Variants in TULP3 observed in about 807,000 individuals in gnomAD.
TULP3 encodes TUB like protein 3, also known as tubby-related protein 3.
TULP3 carries 38 observed loss-of-function variants against 50.7 expected under a neutral mutation model. The ratio of observed to expected loss-of-function variants is 0.75; its 90% CI spans 0.58 to 0.98. The LOEUF (loss-of-function observed/expected upper bound fraction) is 0.98. Ranked by LOEUF, TULP3 falls within the 50% of genes least tolerant of loss-of-function variation. The probability of loss-of-function intolerance (pLI) is 0.00; values close to 1 mark genes in which losing one functional copy is unlikely to be tolerated. For missense variants in TULP3, 550 were observed against 568.0 expected, an observed-to-expected ratio of 0.97 and a Z score of 0.32; for synonymous variants, 183 against 196.6, an observed-to-expected ratio of 0.93 and a Z score of 0.58.
At chr12:2,937,374 G>T (rs1419000327) in intron 8 of TULP3, among the ~76,000 whole-genome samples, 2 of 150,766 alleles carry the variant, frequency 1.3e-5, no homozygotes, top group Admixed American at 1.3e-4. Context: ...CTGCCACCAC[G>T]CCTGGCTAAT....
intron 1 of TULP3, among the ~76,000 whole-genome samples, chr12:2,906,357 G>A (rs191138619): frequency 6.7e-6 from 1 of 150,270 alleles, no homozygotes; most frequent in East Asian, 2.1e-4. Context: ...ACGGAGTCCC[G>A]CTCTGTCATC....
intron 1 of TULP3, among the ~76,000 whole-genome samples, chr12:2,906,773 G>A (rs534794037): frequency 3.2e-4 from 49 of 150,906 alleles, no homozygotes; most frequent in Non-Finnish European, 4.9e-4. Flanking sequence ...AAAATTAGCC[G>A]GGCGTGGTGG....
intron 1 of TULP3, among the ~76,000 whole-genome samples, chr12:2,894,503 C>G (rs536563325): frequency 1.6e-3 from 248 of 151,926 alleles, no homozygotes; most frequent in Non-Finnish European, 3.1e-3. Context: ...CCACTGCACT[C>G]TAGCCTGGGT....
At chr12:2,927,237 T>C (rs2098195192) in intron 4 of TULP3, among the ~76,000 whole-genome samples, 2 of 152,230 alleles carry the variant, frequency 1.3e-5, no homozygotes, top group Non-Finnish European at 2.9e-5. Context: ...AACACTCCAT[T>C]GTATGGATAA....
Position 2,890,982 on chromosome 12 carries a change from G to A in TULP3, c.35G>A (p.Gly12Asp), listed in dbSNP as rs771559772. The A allele has an allele frequency of 6.3e-7, 1 of 1,594,740 alleles. No homozygotes were observed. Among genetic ancestry groups the A allele is most frequent in the African/African-American group, 1.3e-5 (1 of 74,346 alleles). Residue 12 changes from glycine (G) to aspartate (D), a missense_variant, in exon 1 of 11, where the codon GGC becomes GAC. Transcript: ENST00000448120. ...TCGCGCTGCCGGCTCAGTCCCAGCGGCGACAGGTCAGACAGGGCCGTGGCA... is the reference window on the plus strand; with the variant it reads ...TCGCGCTGCCGGCTCAGTCCCAGCGACGACAGGTCAGACAGGGCCGTGGCA... The part of the protein sequence containing the change: ...EASRCRLSPS[G>D]DSVFHEEMMK...
intron 5 of TULP3, 33 bp downstream of exon 5, chr12:2,930,378 T>C: frequency 7.3e-7 from 1 of 1,372,938 alleles, no homozygotes; most frequent in South Asian, 1.2e-5. Context: ...CCATTAGAGC[T>C]AATTTGACTC....
Position 2,939,395 on chromosome 12 carries a change from C to T in TULP3, c.1280C>T (p.Ala427Val), listed in dbSNP as rs1347475152. 6.2e-7 allele frequency: 1 copy of T among 1,614,056 alleles called. No individual in the cohort carries two copies. The highest frequency in any genetic ancestry group is 1.3e-5 in the African/African-American group (1 of 74,924). Residue 427 changes from alanine (A) to valine (V), a missense_variant, in exon 11 of 11, where the codon GCC becomes GTC. Coordinates refer to ENST00000448120, the MANE Select transcript of TULP3 (RefSeq NM_003324.5). The surrounding 1 kb of genome is among the most constrained non-coding windows in gnomAD (Gnocchi z 4.0). ...DYNYPLCAVQAFGIGLSSFDS... is the reference protein window; with the variant it reads ...DYNYPLCAVQVFGIGLSSFDS... ...AACTACCCACTTTGTGCAGTACAGG[C>T]CTTTGGCATCGGTCTTTCTAGCTTT...
intron 6 of TULP3, 133 bp from the exon 7 acceptor site, chr12:2,933,285 C>A (rs1313305901): frequency 4.9e-6 from 3 of 613,540 alleles, no homozygotes; most frequent in Non-Finnish European, 8.7e-6. Flanking sequence ...GGATAAAGGC[C>A]CAAAGATTAA....
chr12:2,916,963 A>G (rs2098189014), intron 2 of TULP3, among the ~76,000 whole-genome samples: 1 of 152,114 alleles, frequency 6.6e-6, no homozygotes, highest in Non-Finnish European at 1.5e-5. Flanking sequence ...TTCCCCAGAT[A>G]CCTTGGCAGG....
At chr12:2,915,598 G>A (rs961851320) in intron 2 of TULP3, among the ~76,000 whole-genome samples, 17 of 151,502 alleles carry the variant, frequency 1.1e-4, no homozygotes, top group Non-Finnish European at 1.9e-4. Flanking sequence ...GAGTGCAGTG[G>A]TGCAATCTCA....
chr12:2,920,619 C>T (rs900716892), intron 2 of TULP3, 144 bp from the exon 3 acceptor site: 10 of 937,972 alleles, frequency 1.1e-5, no homozygotes, highest in Non-Finnish European at 1.4e-5. Context: ...CTCTCTGTGC[C>T]TCAGTTTTCC....
Position 2,931,190 on chromosome 12 carries a change from G to C in TULP3, c.646G>C (p.Gly216Arg), listed in dbSNP as rs1268330772. 11 of 1,613,990 alleles carry C rather than the reference G, an allele frequency of 6.8e-6. No homozygotes were observed. Among genetic ancestry groups the C allele is most frequent in the Non-Finnish European group, 8.5e-6 (10 of 1,180,030 alleles). ...IIRDKRGMDR[G>R]LFPTYYMYLE... ...CCGGGATAAAAGGGGAATGGATCGGGGTCTCTTCCCCACCTACTATATGTA... is the reference window on the plus strand; with the variant it reads ...CCGGGATAAAAGGGGAATGGATCGGCGTCTCTTCCCCACCTACTATATGTA... Residue 216 changes from glycine (G) to arginine (R), a missense_variant, in exon 6 of 11, where the codon GGT (glycine) becomes CGT (arginine). Physicochemically the swap from Gly to Arg is moderately radical, Grantham distance 125 (BLOSUM62 -2). Coordinates refer to ENST00000448120, the MANE Select transcript of TULP3 (RefSeq NM_003324.5).
In TULP3 at chr12:2,930,232, CT is replaced by C. The variant is rs776978821; in HGVS notation, c.395-14del. The C allele has an allele frequency of 1.3e-6, 2 of 1,583,396 alleles. No homozygotes were observed. Among genetic ancestry groups the C allele is most frequent in the Non-Finnish European group, 1.7e-6 (2 of 1,155,568 alleles). ...AACAGTGTTGGCAGTGCTAACAGTT[CT>C]TCCTTTTCTGCTAGATATCTCTGAA... On this transcript the variant is annotated splice_polypyrimidine_tract_variant and intron_variant, in intron 4 of 10. Transcript: ENST00000448120.
rs766419815 is a variant in TULP3 at position 2,931,254 on chromosome 12, T to C, written c.696+14T>C. 7 of 1,612,144 alleles carry C rather than the reference T, an allele frequency of 4.3e-6. No individual in the cohort carries two copies. In the Admixed American group the frequency reaches 1.2e-4, roughly 27 times the overall value. On this transcript the variant is annotated intron_variant, in intron 6 of 10. Transcript: ENST00000448120. The stretch of plus-strand genomic sequence containing the variant: ...GAAAATCAGAAGGTATGAGAATTGA[T>C]TTCTAAGAAAACTCTTGAGAGAGAG...
chr12:2,920,769 C>T lies in TULP3; in HGVS notation c.100C>T (p.Leu34=), dbSNP rs779375609. 5 of 1,613,982 alleles carry T rather than the reference C, an allele frequency of 3.1e-6. No homozygotes were observed. The African/African-American group carries it at 6.7e-5, about 22-fold the overall frequency. Residue 34 remains leucine, a synonymous_variant, in exon 3 of 11, where the codon CTA becomes TTA. Coordinates refer to ENST00000448120, the MANE Select transcript of TULP3 (RefSeq NM_003324.5). ...RQAKLDYQRL[L]LEKRQRKKRL... is the part of the protein sequence containing the mutation. ...CATATCGCTTTTTTCCCAGAGGCTA[C>T]TACTTGAGAAGAGGCAAAGGAAAAA... is the stretch of plus-strand genomic sequence containing the variant.
Position 2,937,639 on chromosome 12 carries a change from C to T in TULP3, c.933C>T (p.Asn311=), listed in dbSNP as rs765370373. ...QELAAISYET[N]VLGFKGPRKM... is the part of the protein sequence containing the mutation. The stretch of plus-strand genomic sequence containing the variant: ...GTTTTCCTATCTTCCAGGAAACAAA[C>T]GTACTTGGATTTAAAGGTCCTAGGA... The change falls in exon 9 of 11, where the codon AAC becomes AAT. Residue 311 remains asparagine, a synonymous_variant. Transcript: ENST00000448120. 3.1e-5 allele frequency: 50 copies of T among 1,610,058 alleles called. No individual in the cohort carries two copies. The Middle Eastern group carries it at 4.9e-4, about 16-fold the overall frequency.
At chr12:2,892,773 G>A (rs1339806829) in intron 1 of TULP3, among the ~76,000 whole-genome samples, 1 of 152,074 alleles carries the variant, frequency 6.6e-6, no homozygotes, top group African/African-American at 2.4e-5. Context: ...GCCTCCCAAA[G>A]TGCTGGGATT....
chr12:2,908,212 GT>G (rs2098183488), intron 1 of TULP3, among the ~76,000 whole-genome samples: 1 of 152,114 alleles, frequency 6.6e-6, no homozygotes, highest in African/African-American at 2.4e-5. Flanking sequence ...CAAAAACCAT[GT>G]TTCTCTTTGT....
chr12:2,892,109 T>G (rs2907604), intron 1 of TULP3, among the ~76,000 whole-genome samples: 71,956 of 151,338 alleles, frequency 0.48, 17,539 homozygotes, highest in African/African-American at 0.59. Context: ...GACGTGTAAG[T>G]ATTTAGTTTG....
Sources: gnomAD v4.1 joint callset for allele counts (sites outside exome capture counted in the v4.1 genomes callset) on GRCh38, gnomAD v4.1.1 for gene constraint, Gnocchi (gnomAD v3.1) non-coding constraint, MANE v1.5 for transcripts, NCBI Gene and HGNC (gene_info 2026-07-23, HGNC 2026-07-21) for gene names.